The following TSHZ2 variants were observed in gnomAD, a reference collection of about 807,000 sequenced individuals.
TSHZ2 encodes the protein teashirt zinc finger homeobox 2, also known as teashirt homolog 2.
In TSHZ2, 21 loss-of-function variants were observed where a neutral mutation model predicts 74.4. The observed-to-expected ratio is 0.28, with a 90% CI of 0.20 to 0.41. TSHZ2 has a LOEUF of 0.41. Ranked by LOEUF, TSHZ2 falls within the 10% of genes least tolerant of loss-of-function variation. The pLI is 1.00. For missense variants in TSHZ2, 1,244 were observed against 1,293.5 expected, an observed-to-expected ratio of 0.96 and a Z score of 0.59; for synonymous variants, 540 against 515.3, an observed-to-expected ratio of 1.05 and a Z score of -0.65.
At chr20:53,359,580 T>C (rs896206184) in intron 2 of TSHZ2, among the ~76,000 whole-genome samples, 1 of 152,256 alleles carries the variant, frequency 6.6e-6, no homozygotes, top group Admixed American at 6.5e-5. Flanking sequence ...TCATTTGGCA[T>C]AAAGATTAAA....
At chr20:53,352,002 T>C (rs1471838488) in intron 2 of TSHZ2, among the ~76,000 whole-genome samples, 1 of 152,194 alleles carries the variant, frequency 6.6e-6, no homozygotes, top group Non-Finnish European at 1.5e-5. Flanking sequence ...GTCAGACACA[T>C]ACTATGTGCA....
chr20:52,995,186 C>T (rs577003773), intron 1 of TSHZ2, among the ~76,000 whole-genome samples: 1 of 152,332 alleles, frequency 6.6e-6, no homozygotes, highest in Admixed American at 6.5e-5. Flanking sequence ...AGCTTCACAG[C>T]TACAGATACA....
intron 1 of TSHZ2, among the ~76,000 whole-genome samples, chr20:53,013,350 C>T (rs965898659): frequency 1.3e-5 from 2 of 151,828 alleles, no homozygotes; most frequent in East Asian, 1.9e-4. Flanking sequence ...TTTCTGAGCT[C>T]GAGCATTTTT....
intron 2 of TSHZ2, among the ~76,000 whole-genome samples, chr20:53,347,705 T>A (rs1179253268): frequency 6.6e-6 from 1 of 152,158 alleles, no homozygotes; most frequent in Non-Finnish European, 1.5e-5. Flanking sequence ...GTTGCATAGG[T>A]AAACATGTGC....
chr20:53,322,813 T>C (rs1385150466), intron 2 of TSHZ2, among the ~76,000 whole-genome samples: 2 of 152,196 alleles, frequency 1.3e-5, no homozygotes, highest in African/African-American at 2.4e-5. Context: ...CGTAAAACGC[T>C]AGCCTACAGG....
At chr20:53,277,763 G>T (rs7275127) in intron 2 of TSHZ2, among the ~76,000 whole-genome samples, 10,633 of 152,232 alleles carry the variant, frequency 0.07, 1,273 homozygotes, top group African/African-American at 0.24. Context: ...TTAAAGCAAT[G>T]CCTGCAACTT....
intron 1 of TSHZ2, among the ~76,000 whole-genome samples, chr20:53,166,328 C>A (rs1014454619): frequency 1.3e-5 from 2 of 152,022 alleles, no homozygotes; most frequent in African/African-American, 4.8e-5. Context: ...TTGAATAAGG[C>A]GAATTTGGGC....
intron 1 of TSHZ2, among the ~76,000 whole-genome samples, chr20:53,218,872 C>A (rs945801747): frequency 6.6e-6 from 1 of 152,154 alleles, no homozygotes; most frequent in Non-Finnish European, 1.5e-5. Flanking sequence ...CTGGTCAGCA[C>A]CTGAGTTTTC....
chr20:52,977,437 C>T (rs1237248549), intron 1 of TSHZ2, among the ~76,000 whole-genome samples: 1 of 110,040 alleles, frequency 9.1e-6, no homozygotes, highest in African/African-American at 3.6e-5. Flanking sequence ...CACACACACA[C>T]ACACACACAC....
chr20:53,372,650 G>A (rs998183447), intron 2 of TSHZ2, among the ~76,000 whole-genome samples: 2 of 152,118 alleles, frequency 1.3e-5, no homozygotes, highest in Non-Finnish European at 2.9e-5. Flanking sequence ...AGTCTTTGCT[G>A]GCCTTTCCAT....
Position 53,489,072 on chromosome 20 carries a change from C to T in TSHZ2, c.*1937C>T, listed in dbSNP as rs1389622330. ...ATTGAGATGGCAGTCGAAATAGCTT[C>T]ATTGAAGTGTCAGCACTCATCCATC... On this transcript the variant is annotated 3_prime_UTR_variant, in exon 3 of 3. Coordinates refer to ENST00000371497, the MANE Select transcript of TSHZ2 (RefSeq NM_173485.6). The T allele has an allele frequency of 2.2e-6, 1 of 456,230 alleles. No homozygotes were observed. The highest frequency in any genetic ancestry group is 2.3e-5 in the Admixed American group (1 of 42,560). 28.3% of individuals were successfully genotyped at this position (456,230 alleles called of 1,614,324 possible). A position where few individuals can be genotyped will look rare whatever the true frequency, so the allele number is the denominator to read the frequency against.
chr20:53,376,638 T>C (rs1981666371), intron 2 of TSHZ2, among the ~76,000 whole-genome samples: 1 of 152,230 alleles, frequency 6.6e-6, no homozygotes, highest in Non-Finnish European at 1.5e-5. Context: ...GTTGGATTTC[T>C]CCACTCATAT....
intron 2 of TSHZ2, among the ~76,000 whole-genome samples, chr20:53,352,471 C>A (rs1286809671): frequency 6.6e-6 from 1 of 151,966 alleles, no homozygotes; most frequent in Non-Finnish European, 1.5e-5. Context: ...GGATTTGAAG[C>A]CTTACCCCTA....
At chr20:52,990,819 A>C (rs1397977028) in intron 1 of TSHZ2, among the ~76,000 whole-genome samples, 1 of 152,210 alleles carries the variant, frequency 6.6e-6, no homozygotes, top group African/African-American at 2.4e-5. Flanking sequence ...CATGTGGTAC[A>C]ATATGCTTTT....
At chr20:53,282,124 A>C (rs1455370141) in intron 2 of TSHZ2, among the ~76,000 whole-genome samples, 1 of 152,208 alleles carries the variant, frequency 6.6e-6, no homozygotes, top group African/African-American at 2.4e-5. Flanking sequence ...TCTCACTTGC[A>C]TAGAAAAATG....
At chr20:53,284,287 C>T (rs181016667) in intron 2 of TSHZ2, among the ~76,000 whole-genome samples, 3 of 152,240 alleles carry the variant, frequency 2.0e-5, no homozygotes, top group Admixed American at 6.5e-5. Flanking sequence ...AACTTAAGTT[C>T]GGCTGTCTGT....
intron 1 of TSHZ2, among the ~76,000 whole-genome samples, chr20:53,245,873 A>G (rs1990189238): frequency 6.6e-6 from 1 of 152,126 alleles, no homozygotes; most frequent in Admixed American, 6.5e-5. Context: ...AGAAAAGCAC[A>G]CCAGATTCTC....
intron 1 of TSHZ2, among the ~76,000 whole-genome samples, chr20:53,014,045 T>C (rs780496746): frequency 5.3e-5 from 8 of 152,158 alleles, no homozygotes; most frequent in South Asian, 4.1e-4. Context: ...TGTAACAAAA[T>C]ACCATAGACT....
intron 2 of TSHZ2, among the ~76,000 whole-genome samples, chr20:53,470,851 T>C (rs563549223): frequency 1.3e-5 from 2 of 152,236 alleles, no homozygotes; most frequent in Non-Finnish European, 2.9e-5. Flanking sequence ...TATAGGTTTT[T>C]CTTTTTTCAT....
Sources: gnomAD v4.1 joint callset for allele counts (sites outside exome capture counted in the v4.1 genomes callset) on GRCh38, gnomAD v4.1.1 for gene constraint, MANE v1.5 for transcripts, NCBI Gene and HGNC (gene_info 2026-07-23, HGNC 2026-07-21) for gene names.